Variants in CHD1L observed in about 807,000 individuals in gnomAD.
CHD1L encodes the protein ATP-dependent chromatin remodeler CHD1L.
CHD1L carries 118 observed loss-of-function variants against 115.9 expected under a neutral mutation model. The ratio of observed to expected loss-of-function variants is 1.02; its 90% confidence interval spans 0.88 to 1.19. The LOEUF is 1.19. Ranked by LOEUF, CHD1L falls within the 50% of genes most tolerant of loss-of-function variation. The probability of loss-of-function intolerance (pLI) is 0.00; values close to 1 mark genes in which losing one functional copy is unlikely to be tolerated. For missense variants in CHD1L, 1,179 were observed against 1,065.3 expected (o/e 1.11, Z -1.49); for synonymous variants, 411 against 387.1 (o/e 1.06, Z -0.72).
intron 16 of CHD1L, 48 bp from the exon 17 acceptor site, chr1:147,285,276 G>T: frequency 1.3e-6 from 2 of 1,580,032 alleles, no homozygotes; most frequent in Middle Eastern, 1.7e-4. Flanking sequence ...AATGAAATTC[G>T]GGGAGGAATC....
chr1:147,209,011 C>T, the CHD1L span: 4 of 1,614,166 alleles, frequency 2.5e-6, 1 homozygote, highest in South Asian at 2.2e-5. Flanking sequence ...GTCCCCTACA[C>T]GATTCAGGAT....
chr1:147,266,227 A>G, intron 8 of CHD1L, 140 bp downstream of exon 8: 1 of 776,322 alleles, frequency 1.3e-6, no homozygotes, highest in South Asian at 2.3e-5. Flanking sequence ...CTGGTCGGCT[A>G]CAGTGGGACT....
intron 10 of CHD1L, among the ~76,000 whole-genome samples, chr1:147,269,431 GA>G (rs1241367592): frequency 6.6e-6 from 1 of 152,134 alleles, no homozygotes; most frequent in African/African-American, 2.4e-5. Context: ...AATACTTTGG[GA>G]GGCTGAGGTG....
chr1:147,291,413 G>A (rs587775887), intron 19 of CHD1L, 69 bp from the exon 20 acceptor site: 3 of 1,300,410 alleles, frequency 2.3e-6, no homozygotes, highest in African/African-American at 2.9e-5. Flanking sequence ...AAGAAGGCGA[G>A]ATACGAGGAG....
Position 147,287,625 on chromosome 1 carries a change from C to G in CHD1L, c.2222-10C>G. On this transcript the variant is annotated splice_polypyrimidine_tract_variant and intron_variant, in intron 18 of 22. Coordinates refer to ENST00000369258, the MANE Select transcript of CHD1L (RefSeq NM_004284.6). ...TCCTATAGATGAAAATTTTCTCTTT[C>G]TTCAAACAGATGACTCTGGCCACTG... is the stretch of plus-strand genomic sequence containing the variant. The G allele has an allele frequency of 6.2e-7, 1 of 1,609,622 alleles. No homozygotes were observed. Among genetic ancestry groups the G allele is most frequent in the Non-Finnish European group, 8.5e-7 (1 of 1,177,526 alleles).
rs1686729089 is a variant in CHD1L at position 147,294,294 on chromosome 1, A to G, written c.2507-115A>G. 3 of 591,174 alleles carry G rather than the reference A, an allele frequency of 5.1e-6. No homozygotes were observed. In the South Asian group the frequency reaches 1.2e-4, roughly 24 times the overall value. 36.6% of individuals were successfully genotyped at this position (591,174 alleles called of 1,614,324 possible). A position where few individuals can be genotyped will look rare whatever the true frequency, so the allele number is the denominator to read the frequency against. On this transcript the variant is annotated intron_variant, in intron 21 of 22. Coordinates refer to ENST00000369258, the MANE Select transcript of CHD1L (RefSeq NM_004284.6). ...ATTCTTCCCCCGGAATATTTTTGACATTATAATTATGGGCTTTGAGGGAGA... is the reference window on the plus strand; with the variant it reads ...ATTCTTCCCCCGGAATATTTTTGACGTTATAATTATGGGCTTTGAGGGAGA...
chr1:147,277,049 G>C (rs907486811), intron 14 of CHD1L, among the ~76,000 whole-genome samples: 6 of 152,308 alleles, frequency 3.9e-5, no homozygotes, highest in Non-Finnish European at 8.8e-5. Flanking sequence ...GGTCTCAACA[G>C]TAGGGAGATA....
At chr1:147,255,051 T>C (rs971799783) in intron 3 of CHD1L, 75 bp downstream of exon 3, 2 of 1,103,784 alleles carry the variant, frequency 1.8e-6, no homozygotes, top group East Asian at 2.5e-5. Context: ...GTATAAAATA[T>C]GATAAAACAA....
rs1288479963 is a variant in CHD1L at position 147,276,165 on chromosome 1, G to A, written c.1447G>A (p.Ala483Thr). ...TGTGGAAGAAATAGTCTATAGGAAA[G>A]CAGCCTCCAAACTGCAGCTCACCAA... is the stretch of plus-strand genomic sequence containing the variant. ...DTVEEIVYRK[A>T]ASKLQLTNMI... Residue 483 changes from alanine to threonine, a missense_variant, in exon 14 of 23, where the codon GCA (alanine) becomes ACA (threonine). Coordinates refer to ENST00000369258, the MANE Select transcript of CHD1L (RefSeq NM_004284.6). 6.2e-7 allele frequency: 1 copy of A among 1,614,064 alleles called. No homozygotes were observed. The highest frequency in any genetic ancestry group is 8.5e-7 in the Non-Finnish European group (1 of 1,180,024).
the CHD1L span, among the ~76,000 whole-genome samples, chr1:147,200,499 A>C: frequency 6.6e-6 from 1 of 152,226 alleles, no homozygotes; most frequent in East Asian, 1.9e-4. Flanking sequence ...AACAGTTGTA[A>C]TGTTCTAGAA....
chr1:147,215,645 A>T, the CHD1L span: 2 of 750,042 alleles, frequency 2.7e-6, no homozygotes, highest in Admixed American at 5.6e-5. Context: ...GGATAAATAC[A>T]TGTGCAAATC....
the CHD1L span, among the ~76,000 whole-genome samples, chr1:147,202,938 T>C: frequency 2.6e-5 from 4 of 152,152 alleles, no homozygotes; most frequent in African/African-American, 9.7e-5. Flanking sequence ...CTCCTTGTTA[T>C]CTCAACCAGA....
At chr1:147,222,595 A>G in the CHD1L span, among the ~76,000 whole-genome samples, 2 of 152,346 alleles carry the variant, frequency 1.3e-5, no homozygotes, top group East Asian at 3.9e-4. Context: ...AAATGGAGAT[A>G]GTAGAATACA....
At chr1:147,225,359 A>T in the CHD1L span, 1 of 302,262 alleles carries the variant, frequency 3.3e-6, no homozygotes, top group Non-Finnish European at 6.2e-6. Context: ...CTGTTGTCAA[A>T]TTACTATAAA....
the CHD1L span, among the ~76,000 whole-genome samples, chr1:147,185,054 T>C: frequency 1.3e-5 from 2 of 152,088 alleles, no homozygotes; most frequent in Non-Finnish European, 2.9e-5. Context: ...CAAGATATGG[T>C]AAATTGATGA....
chr1:147,277,293 C>G (rs17356284), intron 14 of CHD1L, among the ~76,000 whole-genome samples: 37,145 of 151,920 alleles, frequency 0.24, 4,884 homozygotes, highest in Non-Finnish European at 0.29. Context: ...ACTAGTCCAT[C>G]AAAAAACATA....
the CHD1L span, chr1:147,209,001 G>A: frequency 5.6e-6 from 9 of 1,614,050 alleles, no homozygotes; most frequent in Middle Eastern, 3.3e-4. Flanking sequence ...GATATCCGTA[G>A]TCCCCTACAC....
the CHD1L span, chr1:147,178,314 T>A: frequency 1.9e-6 from 3 of 1,612,966 alleles, no homozygotes; most frequent in Non-Finnish European, 1.7e-6. Flanking sequence ...CTCCTGAGTA[T>A]GAAGCTGCAG....
chr1:147,279,946 A>T, intron 14 of CHD1L, 80 bp from the exon 15 acceptor site: 1 of 1,459,852 alleles, frequency 6.9e-7, no homozygotes, highest in Non-Finnish European at 9.5e-7. Flanking sequence ...TGGTGTCGTT[A>T]ATCCACTTAG....
Sources: allele counts gnomAD v4.1 joint callset (sites outside exome capture counted in the v4.1 genomes callset), GRCh38; gene constraint gnomAD v4.1.1; transcripts MANE v1.5; gene names NCBI Gene and HGNC (gene_info 2026-07-23, HGNC 2026-07-21).